ZBTB2: variants seen among roughly 807,000 people sequenced by gnomAD.
The protein encoded by ZBTB2 is zinc finger and BTB domain-containing protein 2.
In ZBTB2, 2 loss-of-function variants were observed where a neutral mutation model predicts 39.5. That is an observed-to-expected ratio of 0.05 (90% confidence interval 0.02 to 0.16). The LOEUF (loss-of-function observed/expected upper bound fraction) is 0.16, where lower values mean the gene tolerates loss of function less well. ZBTB2 is among the 10% of genes least tolerant of loss of function. ZBTB2 has a pLI of 1.00. For missense variants in ZBTB2, 391 were observed against 653.0 expected (o/e 0.60, Z 4.37); for synonymous variants, 251 against 256.6 (o/e 0.98, Z 0.21).
intron 1 of ZBTB2, among the ~76,000 whole-genome samples, chr6:151,374,879 G>C (rs1221834170): frequency 6.9e-6 from 1 of 144,080 alleles, no homozygotes; most frequent in Non-Finnish European, 1.5e-5. Context: ...CGGATCACGA[G>C]GTCAGGAGAT....
chr6:151,386,385 AT>A (rs1194831137), intron 1 of ZBTB2, among the ~76,000 whole-genome samples: 1 of 152,172 alleles, frequency 6.6e-6, no homozygotes, highest in Non-Finnish European at 1.5e-5. Flanking sequence ...TAAAAAGAAA[AT>A]TAGCTGAATG....
chr6:151,388,065 AT>A (rs34664650), intron 1 of ZBTB2, among the ~76,000 whole-genome samples: 67 of 148,820 alleles, frequency 4.5e-4, no homozygotes, highest in Middle Eastern at 3.6e-3. Flanking sequence ...GAATGTTTAC[AT>A]TTTTTTTTTT....
At chr6:151,379,454 A>C (rs1162086711) in intron 1 of ZBTB2, among the ~76,000 whole-genome samples, 1 of 152,038 alleles carries the variant, frequency 6.6e-6, no homozygotes, top group African/African-American at 2.4e-5. Context: ...CAGCCTGGGC[A>C]ACATGGAGAG....
At chr6:151,369,135 T>C (rs1778721049) in intron 2 of ZBTB2, among the ~76,000 whole-genome samples, 2 of 152,200 alleles carry the variant, frequency 1.3e-5, no homozygotes, top group Non-Finnish European at 2.9e-5. Flanking sequence ...CACTTATGAA[T>C]GGTGACTCAA....
chr6:151,382,663 C>A (rs1207363890), intron 1 of ZBTB2, among the ~76,000 whole-genome samples: 1 of 152,044 alleles, frequency 6.6e-6, no homozygotes, highest in African/African-American at 2.4e-5. Flanking sequence ...CCCAGCGATT[C>A]TCCTGCCTCA....
rs776570285 is a variant in ZBTB2, at chr6:151,373,592, C to T, written c.46G>A (p.Ala16Thr). 1.9e-6 allele frequency: 3 copies of T among 1,614,124 alleles called. No individual in the cohort carries two copies. Among genetic ancestry groups the T allele is most frequent in the Non-Finnish European group, 8.5e-7 (1 of 1,180,008 alleles). Residue 16 changes from alanine (A) to threonine (T), a missense_variant, in exon 2 of 3, where the codon GCT (alanine) becomes ACT (threonine). Physicochemically the swap from Ala to Thr is moderately conservative, Grantham distance 58. Coordinates refer to ENST00000325144, the MANE Select transcript of ZBTB2 (RefSeq NM_020861.3). ...HGLILLQQLN[A>T]QREFGFLCDC... ...CACAGGAAACCAAACTCTCGCTGAG[C>T]GTTTAACTGTTGCAGTAGAATAAGT...
intron 2 of ZBTB2, among the ~76,000 whole-genome samples, chr6:151,370,997 T>A (rs1778777269): frequency 6.6e-6 from 1 of 152,230 alleles, no homozygotes; most frequent in Non-Finnish European, 1.5e-5. Flanking sequence ...GAATTAAAAC[T>A]CATTACGTAG....
In ZBTB2 at chr6:151,381,258, C is replaced by T. The variant is rs13212293; in HGVS notation, c.-12-7609G>A. Among the ~76,000 whole-genome samples, 263 of 152,298 alleles carry T rather than the reference C, an allele frequency of 1.7e-3. 1 individual carries two copies. Among genetic ancestry groups the T allele is most frequent in the South Asian group, 8.7e-3 (42 of 4,828 alleles). ...CCTGTGGGCCGGGCACAGTGGCTCA[C>T]GCCTGTAATCCCAGCACTTTGGGAG... On this transcript the variant is annotated intron_variant, in intron 1 of 2. Transcript: ENST00000325144.
At chr6:151,390,653 G>A (rs1779272919) in intron 1 of ZBTB2, among the ~76,000 whole-genome samples, 1 of 151,560 alleles carries the variant, frequency 6.6e-6, no homozygotes, top group Admixed American at 6.6e-5. Flanking sequence ...CCGCCCGCGA[G>A]CGGGAGGCGG....
intron 2 of ZBTB2, among the ~76,000 whole-genome samples, 194 bp from the exon 3 acceptor site, chr6:151,367,086 C>A (rs1456138096): frequency 6.6e-6 from 1 of 151,662 alleles, no homozygotes; most frequent in Admixed American, 6.6e-5. Flanking sequence ...TATCTTAATC[C>A]ACAGATTCTT....
At chr6:151,383,256 C>A (rs1180282452) in intron 1 of ZBTB2, among the ~76,000 whole-genome samples, 2 of 151,896 alleles carry the variant, frequency 1.3e-5, no homozygotes, top group African/African-American at 4.8e-5. Flanking sequence ...TGCTATGTTG[C>A]CCAGGCTGGT....
chr6:151,378,806 T>C (rs949931483), intron 1 of ZBTB2, among the ~76,000 whole-genome samples: 4 of 152,238 alleles, frequency 2.6e-5, no homozygotes, highest in African/African-American at 9.6e-5. Flanking sequence ...ATTTATCCCT[T>C]GATGATAATG....
At chr6:151,371,003 C>T (rs1778777445) in intron 2 of ZBTB2, among the ~76,000 whole-genome samples, 1 of 152,192 alleles carries the variant, frequency 6.6e-6, no homozygotes, top group Non-Finnish European at 1.5e-5. Context: ...AAACTCATTA[C>T]GTAGTATTTT....
At chr6:151,381,107 C>T (rs547178179) in intron 1 of ZBTB2, among the ~76,000 whole-genome samples, 1 of 152,298 alleles carries the variant, frequency 6.6e-6, no homozygotes, top group South Asian at 2.1e-4. Context: ...CCTCCTGCCA[C>T]ACCTTTAGCC....
At chr6:151,373,860 A>AAC (rs1778839616) in intron 1 of ZBTB2, among the ~76,000 whole-genome samples, 3 of 131,786 alleles carry the variant, frequency 2.3e-5, no homozygotes, top group Non-Finnish European at 4.7e-5. Flanking sequence ...AAAAAAAAAA[A>AAC]AAAAAAAAAA....
intron 1 of ZBTB2, among the ~76,000 whole-genome samples, chr6:151,376,575 C>G (rs1207290993): frequency 1.3e-5 from 2 of 152,076 alleles, no homozygotes; most frequent in Non-Finnish European, 2.9e-5. Context: ...ATACAGATGA[C>G]AAGGCAAATA....
At position 151,366,954 on chromosome 6, in the gene ZBTB2, TGAA is replaced by T. The variant is rs1405723017; in HGVS notation, c.174-65_174-63del. ...CCAGTCTAGGTGTTAACATAAAGCC[TGAA>T]GAAAAAAATGAATGCTTAAAAACAA... On this transcript the variant is annotated intron_variant, in intron 2 of 2. Coordinates refer to ENST00000325144, the MANE Select transcript of ZBTB2 (RefSeq NM_020861.3). The surrounding 1 kb of genome is among the most constrained non-coding windows in gnomAD (Gnocchi z 7.1). The T allele has an allele frequency of 6.7e-7, 1 of 1,486,706 alleles. No homozygotes were observed. The highest frequency in any genetic ancestry group is 1.4e-5 in the African/African-American group (1 of 71,034). The allele number at this position is 1,486,706 out of a possible 1,614,324, so 92.1% of individuals were successfully genotyped here. A position where few individuals can be genotyped will look rare whatever the true frequency, so the allele number is the denominator to read the frequency against.
At chr6:151,382,825 G>C (rs570101656) in intron 1 of ZBTB2, among the ~76,000 whole-genome samples, 2 of 152,230 alleles carry the variant, frequency 1.3e-5, no homozygotes, top group South Asian at 4.1e-4. Context: ...AAAGTGCTGG[G>C]ACTATGGGCG....
chr6:151,369,118 T>C (rs1778720843), intron 2 of ZBTB2, among the ~76,000 whole-genome samples: 1 of 152,162 alleles, frequency 6.6e-6, no homozygotes, highest in Non-Finnish European at 1.5e-5. Context: ...TAGGCTGTCT[T>C]ATCTATCACT....
Sources: allele counts gnomAD v4.1 joint callset (sites outside exome capture counted in the v4.1 genomes callset), GRCh38; gene constraint gnomAD v4.1.1; non-coding constraint Gnocchi (gnomAD v3.1); transcripts MANE v1.5; gene names NCBI Gene and HGNC (gene_info 2026-07-23, HGNC 2026-07-21).